Variants in ADAM12 observed in about 807,000 individuals in gnomAD.
The protein encoded by ADAM12 is disintegrin and metalloproteinase domain-containing protein 12.
ADAM12 carries 70 observed loss-of-function variants against 106.4 expected under a neutral mutation model. That is an observed-to-expected ratio of 0.66 (90% CI 0.54 to 0.80). The LOEUF is 0.80. Ranked by LOEUF, ADAM12 falls within the 30% of genes least tolerant of loss-of-function variation. The probability of loss-of-function intolerance (pLI) is 0.00; values close to 1 mark genes in which losing one functional copy is unlikely to be tolerated. For synonymous variants in ADAM12, 420 were observed against 433.5 expected (o/e 0.97, Z 0.39); for missense variants, 1,010 against 1,171.9 (o/e 0.86, Z 2.02).
At chr10:126,339,879 G>A (rs1400702496) in intron 1 of ADAM12, among the ~76,000 whole-genome samples, 1 of 118,492 alleles carries the variant, frequency 8.4e-6, no homozygotes, top group Non-Finnish European at 1.6e-5. Flanking sequence ...TTTTGAGACA[G>A]AGTCTTGCTC....
At chr10:126,284,559 T>C (rs895608516) in intron 2 of ADAM12, among the ~76,000 whole-genome samples, 3 of 152,130 alleles carry the variant, frequency 2.0e-5, no homozygotes, top group African/African-American at 7.2e-5. Context: ...TCTGTTTCTA[T>C]TTCTTTTTTA....
chr10:126,040,177 C>T (rs1159134894), intron 18 of ADAM12, among the ~76,000 whole-genome samples: 1 of 152,136 alleles, frequency 6.6e-6, no homozygotes, highest in Admixed American at 6.5e-5. Flanking sequence ...TGGTTTCTTA[C>T]AGTAGCTATG....
intron 1 of ADAM12, among the ~76,000 whole-genome samples, chr10:126,346,248 C>T (rs1163905080): frequency 6.6e-6 from 1 of 152,144 alleles, no homozygotes; most frequent in Non-Finnish European, 1.5e-5. Context: ...TTTCAAAGAA[C>T]ATCTTTATTT....
At chr10:126,116,747 A>G (rs950579267) in intron 6 of ADAM12, among the ~76,000 whole-genome samples, 1 of 152,112 alleles carries the variant, frequency 6.6e-6, no homozygotes, top group African/African-American at 2.4e-5. Flanking sequence ...GACTGAAAGA[A>G]TGAATGTAAA....
chr10:126,260,049 C>T (rs1026514398), intron 3 of ADAM12, among the ~76,000 whole-genome samples: 3 of 152,200 alleles, frequency 2.0e-5, no homozygotes, highest in Admixed American at 2.0e-4. Flanking sequence ...AGGTCAGCCA[C>T]CACCTCAAGT....
Position 126,049,170 on chromosome 10 carries a change from C to T in ADAM12, c.1917+83G>A, listed in dbSNP as rs576841045. ...AAGTAGATTTAGGAAAACCAACAAA[C>T]CTTGTAACCCAGTTCTTGCTGTTTT... On this transcript the variant is annotated intron_variant, in intron 16 of 22. Transcript: ENST00000448723. The surrounding 1 kb of genome is among the most constrained non-coding windows in gnomAD (Gnocchi z 4.4). The T allele has an allele frequency of 6.1e-4, 948 of 1,560,728 alleles. 6 individuals carry two copies. The highest frequency in any genetic ancestry group is 5.0e-3 in the Middle Eastern group (22 of 4,368).
At chr10:126,096,297 T>C (rs1955557757) in intron 10 of ADAM12, among the ~76,000 whole-genome samples, 1 of 152,248 alleles carries the variant, frequency 6.6e-6, no homozygotes, top group Non-Finnish European at 1.5e-5. Context: ...AGTTGCCAGA[T>C]TGTTTTACAT....
rs748244708 is a variant in ADAM12, at chr10:126,094,052, G to A, written c.1078C>T (p.Leu360=). ...GHNFGMNHDT[L]DRGCSCQMAV... ...ATTTGACAGCTACAGCCCCTGTCCA[G>A]TGTGTCATGATTCATCCCGAAATTG... Residue 360 remains leucine, a synonymous_variant, in exon 11 of 23, where the codon CTG becomes TTG. Transcript: ENST00000448723. The A allele has an allele frequency of 6.2e-7, 1 of 1,614,156 alleles. No homozygotes were observed. The highest frequency in any genetic ancestry group is 8.5e-7 in the Non-Finnish European group (1 of 1,180,022).
chr10:126,356,802 T>C (rs10751546), intron 1 of ADAM12, among the ~76,000 whole-genome samples: 54,448 of 151,808 alleles, frequency 0.36, 9,975 homozygotes, highest in South Asian at 0.42. Flanking sequence ...AAAAAACAAA[T>C]AGAAACACTA....
At chr10:126,354,369 G>A (rs895874880) in intron 1 of ADAM12, among the ~76,000 whole-genome samples, 7 of 152,120 alleles carry the variant, frequency 4.6e-5, no homozygotes, top group Non-Finnish European at 4.4e-5. Context: ...CAGCTTTCAA[G>A]TAACTCATAG....
At chr10:126,067,290 C>T (rs938800863) in intron 12 of ADAM12, among the ~76,000 whole-genome samples, 3 of 152,222 alleles carry the variant, frequency 2.0e-5, no homozygotes, top group African/African-American at 7.2e-5. Flanking sequence ...GTTTCAACCA[C>T]AATTCCCTGC....
At chr10:126,318,677 GGAACAATTT>G (rs1309392638) in intron 2 of ADAM12, among the ~76,000 whole-genome samples, 2 of 152,032 alleles carry the variant, frequency 1.3e-5, no homozygotes, top group Non-Finnish European at 1.5e-5. Context: ...AGCCAAAGTA[GGAACAATTT>G]GAACAATAAA....
intron 3 of ADAM12, among the ~76,000 whole-genome samples, chr10:126,226,790 G>A (rs989542342): frequency 1.5e-4 from 23 of 152,044 alleles, no homozygotes; most frequent in African/African-American, 5.1e-4. Context: ...GCACTTTACC[G>A]GGTGCCAGGA....
intron 3 of ADAM12, among the ~76,000 whole-genome samples, chr10:126,205,529 C>T (rs1185714264): frequency 6.6e-6 from 1 of 152,166 alleles, no homozygotes; most frequent in African/African-American, 2.4e-5. Flanking sequence ...TCAACTCAGC[C>T]CATGCCAGCT....
At chr10:126,259,815 C>G (rs1340540281) in intron 3 of ADAM12, among the ~76,000 whole-genome samples, 1 of 152,196 alleles carries the variant, frequency 6.6e-6, no homozygotes, top group Admixed American at 6.5e-5. Context: ...GTGGGCCAAA[C>G]ATCTAACACT....
chr10:126,219,965 G>C (rs868567733), intron 3 of ADAM12, among the ~76,000 whole-genome samples: 13 of 152,260 alleles, frequency 8.5e-5, no homozygotes, highest in African/African-American at 3.1e-4. Flanking sequence ...GAACCAATGG[G>C]GAGACAGGAG....
At chr10:126,107,455 C>T (rs78714523) in intron 8 of ADAM12, among the ~76,000 whole-genome samples, 2,218 of 152,242 alleles carry the variant, frequency 0.015, 47 homozygotes, top group East Asian at 0.068. Context: ...AATATGGAGC[C>T]GAATTTCTGA....
chr10:126,307,961 C>A (rs904787882), intron 2 of ADAM12, among the ~76,000 whole-genome samples: 2 of 152,090 alleles, frequency 1.3e-5, no homozygotes, highest in Admixed American at 1.3e-4. Flanking sequence ...TATGGCAGTG[C>A]CATAAAGGAT....
Position 126,388,228 on chromosome 10 carries a change from G to C in ADAM12, c.-83C>G. 8.4e-7 allele frequency: 1 copy of C among 1,190,118 alleles called. No individual in the cohort carries two copies. The highest frequency in any genetic ancestry group is 1.0e-6 in the Non-Finnish European group (1 of 960,942). 73.7% of individuals were successfully genotyped at this position (1,190,118 alleles called of 1,614,324 possible). A position where few individuals can be genotyped will look rare whatever the true frequency, so the allele number is the denominator to read the frequency against. ...CACGCGGGCGCCGAGCCGGGGCCGG[G>C]CGTCGCGACCGGAGGGATTTCCTGC... On this transcript the variant is annotated 5_prime_UTR_variant, in exon 1 of 23. Coordinates refer to ENST00000448723, the MANE Select transcript of ADAM12 (RefSeq NM_001288973.2). The surrounding 1 kb of genome is among the most constrained non-coding windows in gnomAD (Gnocchi z 4.4).
Sources: gnomAD v4.1 joint callset for allele counts (sites outside exome capture counted in the v4.1 genomes callset) on GRCh38, gnomAD v4.1.1 for gene constraint, Gnocchi (gnomAD v3.1) non-coding constraint, MANE v1.5 for transcripts, NCBI Gene and HGNC (gene_info 2026-07-23, HGNC 2026-07-21) for gene names.